The following CELF1 variants were observed in gnomAD, a reference collection of about 807,000 sequenced individuals.
CELF1 encodes the protein CUGBP Elav-like family member 1, also known as 50 kDa nuclear polyadenylated RNA-binding protein.
CELF1 carries 10 observed loss-of-function variants against 61.8 expected under a neutral mutation model. That is an observed-to-expected ratio of 0.16 (90% CI 0.10 to 0.27). CELF1 has a LOEUF of 0.27. CELF1 is among the 10% of genes least tolerant of loss of function. The pLI is 1.00. For missense variants in CELF1, 380 were observed against 639.1 expected (o/e 0.59, Z 4.37); for synonymous variants, 236 against 225.1 (o/e 1.05, Z -0.43).
At chr11:47,487,095 T>C in intron 5 of CELF1, 64 bp downstream of exon 5, 2 of 1,257,408 alleles carry the variant, frequency 1.6e-6, no homozygotes, top group African/African-American at 1.5e-5. Context: ...GTGTCTGATA[T>C]GTGTAAGTAT....
At chr11:47,558,831 ATATT>A (rs2097216880) in intron 2 of CELF1, among the ~76,000 whole-genome samples, 1 of 123,434 alleles carries the variant, frequency 8.1e-6, no homozygotes, top group Admixed American at 1.1e-4. Flanking sequence ...CAGCCAATAT[ATATT>A]GCAGCCAATA....
At chr11:47,490,865 C>CTT (rs753432504) in intron 3 of CELF1, among the ~76,000 whole-genome samples, 3 of 141,362 alleles carry the variant, frequency 2.1e-5, no homozygotes, top group South Asian at 2.2e-4. Flanking sequence ...TATTTTCTTT[C>CTT]TTTTTTTTTT....
chr11:47,487,033 T>C, intron 5 of CELF1, 126 bp downstream of exon 5: 2 of 804,932 alleles, frequency 2.5e-6, no homozygotes, highest in Non-Finnish European at 4.1e-6. Context: ...TATGTCTTCC[T>C]TTACATCAAT....
chr11:47,561,708 G>T (rs1170320791), intron 2 of CELF1, among the ~76,000 whole-genome samples: 2 of 152,136 alleles, frequency 1.3e-5, no homozygotes, highest in African/African-American at 2.4e-5. Context: ...ATGTCCGTAA[G>T]TTGTATGCAA....
intron 1 of CELF1, among the ~76,000 whole-genome samples, chr11:47,518,682 C>A (rs1355031255): frequency 6.6e-6 from 1 of 152,182 alleles, no homozygotes; most frequent in Non-Finnish European, 1.5e-5. Context: ...ATCTCCCCTG[C>A]CTCTTTTCTT....
intron 1 of CELF1, among the ~76,000 whole-genome samples, chr11:47,544,788 C>T (rs2096891825): frequency 2.6e-5 from 4 of 151,870 alleles, no homozygotes; most frequent in Admixed American, 2.6e-4. Flanking sequence ...CATGGAGAAA[C>T]CCCATCTCTA....
intron 1 of CELF1, among the ~76,000 whole-genome samples, chr11:47,528,300 T>C (rs765082476): frequency 5.3e-5 from 8 of 152,274 alleles, no homozygotes; most frequent in Admixed American, 1.3e-4. Flanking sequence ...GTATGGCCCA[T>C]TGACATTTCA....
chr11:47,534,021 C>CTT (rs1565896662), intron 1 of CELF1, among the ~76,000 whole-genome samples: 8 of 98,456 alleles, frequency 8.1e-5, no homozygotes, highest in African/African-American at 2.4e-4. Flanking sequence ...TTTTTTCTTT[C>CTT]CTTTTTTTTT....
At chr11:47,492,399 C>T (rs1490232469) in intron 3 of CELF1, among the ~76,000 whole-genome samples, 1 of 152,068 alleles carries the variant, frequency 6.6e-6, no homozygotes. Flanking sequence ...AATGCTTAAT[C>T]CTAATGTTCC....
chr11:47,500,319 G>T (rs1439860118), intron 2 of CELF1, among the ~76,000 whole-genome samples: 1 of 152,044 alleles, frequency 6.6e-6, no homozygotes, highest in African/African-American at 2.4e-5. Flanking sequence ...CTGGGTGAAA[G>T]ACTTCAAAAA....
chr11:47,479,332 G>T (rs2081676329), intron 9 of CELF1, among the ~76,000 whole-genome samples: 1 of 152,150 alleles, frequency 6.6e-6, no homozygotes, highest in South Asian at 2.1e-4. Context: ...CCTCTCCCAA[G>T]TTCTCCTTAG....
intron 1 of CELF1, among the ~76,000 whole-genome samples, chr11:47,503,649 G>C (rs1249385457): frequency 6.6e-6 from 1 of 152,130 alleles, no homozygotes; most frequent in Non-Finnish European, 1.5e-5. Context: ...GTAAGCAATT[G>C]ATACTTGAAA....
At position 47,488,925 on chromosome 11, in the gene CELF1, C is replaced by G; in HGVS notation, c.171G>C (p.Lys57Asn). The G allele has an allele frequency of 6.2e-7, 1 of 1,613,088 alleles. No homozygotes were observed. The change falls in exon 4 of 15, where the codon AAG becomes AAC. Residue 57 changes from lysine to asparagine, a missense_variant. Lys to Asn is a moderately conservative substitution (Grantham distance 94). Coordinates refer to ENST00000687097, the MANE Select transcript of CELF1 (RefSeq NM_001376376.1). ...ACTGTTCGAAGAGTTCCCGCAAGTC[C>G]TTTTCAGACCAGGTCCTTGGAACCT... ...VGQVPRTWSE[K>N]DLRELFEQYG...
chr11:47,564,049 G>A (rs1460797515), intron 2 of CELF1, among the ~76,000 whole-genome samples: 2 of 151,504 alleles, frequency 1.3e-5, no homozygotes, highest in Admixed American at 6.6e-5. Flanking sequence ...TGCTTGGGCC[G>A]GGCGTGTGGC....
intron 4 of CELF1, among the ~76,000 whole-genome samples, chr11:47,488,579 A>G (rs1275593613): frequency 6.6e-6 from 1 of 152,262 alleles, no homozygotes; most frequent in Non-Finnish European, 1.5e-5. Flanking sequence ...CCCAATTTAC[A>G]AATTATCCTC....
At chr11:47,479,092 C>A in intron 9 of CELF1, 140 bp from the exon 10 acceptor site, 6 of 598,996 alleles carry the variant, frequency 1.0e-5, no homozygotes, top group Admixed American at 2.7e-5. Flanking sequence ...CAAGCCAACA[C>A]AACAGAAACA....
chr11:47,480,863 C>T (rs934347561), intron 9 of CELF1, among the ~76,000 whole-genome samples: 1 of 152,084 alleles, frequency 6.6e-6, no homozygotes, highest in African/African-American at 2.4e-5. Context: ...AAGCAAAACC[C>T]TGTCTCTACT....
At chr11:47,564,171 C>CAAAAAAAAAAAAA (rs779009192) in intron 2 of CELF1, among the ~76,000 whole-genome samples, 22 of 62,878 alleles carry the variant, frequency 3.5e-4, no homozygotes, top group East Asian at 1.5e-3. Context: ...ACTAAAAATA[C>CAAAAAAAAAAAAA]AAAAAAAAAA....
chr11:47,516,601 C>CTT (rs1399209284), intron 1 of CELF1, among the ~76,000 whole-genome samples: 2 of 144,580 alleles, frequency 1.4e-5, no homozygotes, highest in African/African-American at 2.5e-5. Flanking sequence ...ATAATATTCT[C>CTT]TTTTTTTTTT....
Sources: gnomAD v4.1 joint callset for allele counts (sites outside exome capture counted in the v4.1 genomes callset) on GRCh38, gnomAD v4.1.1 for gene constraint, MANE v1.5 for transcripts, NCBI Gene and HGNC (gene_info 2026-07-23, HGNC 2026-07-21) for gene names.